GMEB1: variants seen among roughly 807,000 people sequenced by gnomAD.
The protein encoded by GMEB1 is glucocorticoid modulatory element-binding protein 1.
A neutral mutation model predicts 52.4 loss-of-function variants in GMEB1; 6 were observed. The ratio of observed to expected loss-of-function variants is 0.11; its 90% CI spans 0.06 to 0.23. The LOEUF (loss-of-function observed/expected upper bound fraction) is 0.23. Among genes scored for constraint, GMEB1 ranks in the 10% least tolerant of loss-of-function variants. The pLI is 1.00. For missense variants in GMEB1, 486 were observed against 685.6 expected (o/e 0.71, Z 3.25); for synonymous variants, 255 against 244.9 (o/e 1.04, Z -0.38).
intron 5 of GMEB1, among the ~76,000 whole-genome samples, chr1:28,696,696 C>T: frequency 6.6e-6 from 1 of 152,030 alleles, no homozygotes. Flanking sequence ...TGCTGCAATA[C>T]TCATAATGAA....
intron 4 of GMEB1, among the ~76,000 whole-genome samples, chr1:28,692,615 G>T (rs1277017168): frequency 6.6e-6 from 1 of 151,996 alleles, no homozygotes; most frequent in Non-Finnish European, 1.5e-5. Context: ...CTTCATTAGG[G>T]CTGGATAGAT....
At position 28,717,501 on chromosome 1, in the gene GMEB1, C is replaced by G. The variant is rs1249084877; in HGVS notation, c.*2728C>G. 1 of 152,104 alleles carries G rather than the reference C, an allele frequency of 6.6e-6. No homozygotes were observed. Among genetic ancestry groups the G allele is most frequent in the Non-Finnish European group, 1.5e-5 (1 of 68,004 alleles). 9.4% of individuals were successfully genotyped at this position (152,104 alleles called of 1,614,324 possible). On this transcript the variant is annotated 3_prime_UTR_variant, in exon 10 of 10. Transcript: ENST00000373816. The stretch of plus-strand genomic sequence containing the variant: ...CACCGCACCCAGCCTGAAGGTGACT[C>G]TTAAGAATGAGATTTATGAACTCCA...
chr1:28,703,250 G>T (rs1670600543), intron 7 of GMEB1, among the ~76,000 whole-genome samples: 1 of 152,156 alleles, frequency 6.6e-6, no homozygotes, highest in African/African-American at 2.4e-5. Flanking sequence ...GATTAATGAT[G>T]ATTCACTTAG....
intron 9 of GMEB1, among the ~76,000 whole-genome samples, chr1:28,713,824 C>T (rs192340461): frequency 7.9e-5 from 12 of 152,204 alleles, no homozygotes; most frequent in East Asian, 3.9e-4. Flanking sequence ...GTGGGTGGAT[C>T]GCTTGAGGCC....
At chr1:28,690,911 T>C (rs9426300) in intron 3 of GMEB1, among the ~76,000 whole-genome samples, 142,153 of 152,004 alleles carry the variant, frequency 0.94, 66,607 homozygotes, top group East Asian at 1. Context: ...ACCCGGGAGG[T>C]GGAGGTTGCA....
At position 28,691,644 on chromosome 1, in the gene GMEB1, G is replaced by A; in HGVS notation, c.271G>A (p.Glu91Lys). The A allele has an allele frequency of 6.3e-7, 1 of 1,580,316 alleles. No homozygotes were observed. Among genetic ancestry groups the A allele is most frequent in the African/African-American group, 1.3e-5 (1 of 74,246 alleles). The change falls in exon 4 of 10, where the codon GAG becomes AAG. Residue 91 changes from glutamate to lysine, a missense_variant. Physicochemically the swap from Glu to Lys is moderately conservative, Grantham distance 56. Coordinates refer to ENST00000373816, the MANE Select transcript of GMEB1 (RefSeq NM_001319674.2). The stretch of plus-strand genomic sequence containing the variant: ...AATTGCTTACCCCATAACTTGTGGG[G>A]AGAGCAAAGCCATCCTCCTCTGGAA... ...MEIAYPITCG[E>K]SKAILLWKKF...
Position 28,702,500 on chromosome 1 carries a change from T to C in GMEB1, c.661T>C (p.Ser221Pro). ...SMEEAGLEWN[S>P]ALTAAVTMAT... ...GGAAGAGGCAGGGCTGGAATGGAACTCAGCTCTCACCGCTGCTGTCACCAT... is the reference window on the plus strand; with the variant it reads ...GGAAGAGGCAGGGCTGGAATGGAACCCAGCTCTCACCGCTGCTGTCACCAT... The change falls in exon 7 of 10, where the codon TCA (serine) becomes CCA (proline). Residue 221 changes from serine (S) to proline (P), a missense_variant. Ser to Pro is a moderately conservative substitution (Grantham distance 74). This residue lies in a region of GMEB1 where 200 missense variants were observed against 253.5 expected (regional missense o/e 0.79). Transcript: ENST00000373816. 1 of 1,613,356 alleles carries C rather than the reference T, an allele frequency of 6.2e-7. No individual in the cohort carries two copies. The highest frequency in any genetic ancestry group is 8.5e-7 in the Non-Finnish European group (1 of 1,179,370).
At chr1:28,696,340 T>A (rs1165923752) in intron 5 of GMEB1, among the ~76,000 whole-genome samples, 5 of 152,138 alleles carry the variant, frequency 3.3e-5, no homozygotes, top group Non-Finnish European at 7.3e-5. Context: ...GTGCTGGGAT[T>A]ACAGGCGTGA....
chr1:28,706,011 G>A (rs111232173), intron 8 of GMEB1, among the ~76,000 whole-genome samples: 6,507 of 151,490 alleles, frequency 0.043, 437 homozygotes, highest in African/African-American at 0.15. Flanking sequence ...AAAATTAGCC[G>A]GGCGCGGTGG....
At chr1:28,699,089 A>G (rs1008541690) in intron 6 of GMEB1, among the ~76,000 whole-genome samples, 5 of 152,190 alleles carry the variant, frequency 3.3e-5, no homozygotes, top group African/African-American at 1.2e-4. Context: ...ATCAAAGACA[A>G]TGTGATTGGC....
At chr1:28,688,777 G>A (rs543968658) in intron 2 of GMEB1, among the ~76,000 whole-genome samples, 5 of 151,670 alleles carry the variant, frequency 3.3e-5, no homozygotes, top group East Asian at 1.9e-4. Context: ...TTTAGTCAGC[G>A]TGGTTCTTCC....
chr1:28,711,994 C>CT (rs946124808), intron 9 of GMEB1, among the ~76,000 whole-genome samples: 22 of 151,564 alleles, frequency 1.5e-4, no homozygotes, highest in Admixed American at 5.9e-4. Flanking sequence ...GTGACCTGTG[C>CT]TTTTTTTTTC....
At position 28,718,029 on chromosome 1, in the gene GMEB1, T is replaced by G. The variant is rs1671316364; in HGVS notation, c.*3256T>G. The G allele has an allele frequency of 6.6e-6, 1 of 152,208 alleles. No homozygotes were observed. The highest frequency in any genetic ancestry group is 2.1e-4 in the South Asian group (1 of 4,828). The allele number at this position is 152,208 out of a possible 1,614,324, so 9.4% of individuals were successfully genotyped here. ...AATAGCCTGTCATTATTGTTAGATA[T>G]TATGGCACCTGTTGTTGAATGTAGG... On this transcript the variant is annotated 3_prime_UTR_variant, in exon 10 of 10. Coordinates refer to ENST00000373816, the MANE Select transcript of GMEB1 (RefSeq NM_001319674.2).
chr1:28,686,471 G>C (rs534953181), intron 2 of GMEB1, among the ~76,000 whole-genome samples: 1 of 151,660 alleles, frequency 6.6e-6, no homozygotes, highest in East Asian at 1.9e-4. Flanking sequence ...TCTACTAAAA[G>C]TACAAAAATT....
chr1:28,699,142 C>G (rs1670373902), intron 6 of GMEB1, among the ~76,000 whole-genome samples: 1 of 152,126 alleles, frequency 6.6e-6, no homozygotes, highest in African/African-American at 2.4e-5. Context: ...TTGGAGTTGT[C>G]TGCTTGGAGG....
Position 28,687,370 on chromosome 1 carries a change from ACACAC to A in GMEB1, c.129-2733_129-2729del, listed in dbSNP as rs1333827948. Among the ~76,000 whole-genome samples the A allele has an allele frequency of 9.6e-4, 81 of 84,288 alleles. 7 individuals are homozygous for A. The highest frequency in any genetic ancestry group is 1.5e-3 in the Non-Finnish European group (59 of 38,456). 55.3% of individuals were successfully genotyped at this position (84,288 alleles called of 152,430 possible). ...CACACACACACACACACACACACAC[ACACAC>A]ACACACACACACAAAAAAAGACAGT... On this transcript the variant is annotated intron_variant, in intron 2 of 9. Transcript: ENST00000373816.
chr1:28,701,379 C>T (rs1339398790), intron 6 of GMEB1, among the ~76,000 whole-genome samples: 1 of 151,582 alleles, frequency 6.6e-6, no homozygotes, highest in Admixed American at 6.6e-5. Context: ...ACGCCACTCT[C>T]CTGCCTCAGC....
chr1:28,718,378 G>A lies in GMEB1; in HGVS notation c.*3605G>A, dbSNP rs916247103. On this transcript the variant is annotated 3_prime_UTR_variant, in exon 10 of 10. Transcript: ENST00000373816. ...CACTTTCAGAAGCTGAGGCAGAATT[G>A]CTTGAGGCCAAGAGTTTAAGACTAG... 4.6e-5 allele frequency: 7 copies of A among 152,176 alleles called. No homozygotes were observed. The highest frequency in any genetic ancestry group is 1.7e-4 in the African/African-American group (7 of 41,434). The allele number at this position is 152,176 out of a possible 1,614,324, so 9.4% of individuals were successfully genotyped here. A position where few individuals can be genotyped will look rare whatever the true frequency, so the allele number is the denominator to read the frequency against.
At chr1:28,713,427 A>T (rs556792537) in intron 9 of GMEB1, among the ~76,000 whole-genome samples, 2 of 152,320 alleles carry the variant, frequency 1.3e-5, no homozygotes, top group African/African-American at 4.8e-5. Flanking sequence ...TAGGCGTACT[A>T]TAATGCAAAA....
Sources: allele counts gnomAD v4.1 joint callset (sites outside exome capture counted in the v4.1 genomes callset), GRCh38; gene constraint gnomAD v4.1.1; regional missense constraint gnomAD v4.1.1; transcripts MANE v1.5; gene names NCBI Gene and HGNC (gene_info 2026-07-23, HGNC 2026-07-21).